RAD51B: variants seen among roughly 807,000 people sequenced by gnomAD.
The protein encoded by RAD51B is DNA repair protein RAD51 homolog 2.
RAD51B carries 38 observed loss-of-function variants against 42.2 expected under a neutral mutation model. The observed-to-expected ratio is 0.90, with a 90% CI of 0.70 to 1.18. The LOEUF (loss-of-function observed/expected upper bound fraction) is 1.18, where lower values mean the gene tolerates loss of function less well. Ranked by LOEUF, RAD51B falls within the 50% of genes most tolerant of loss-of-function variation. The pLI is 0.00. For missense variants in RAD51B, 373 were observed against 400.7 expected (o/e 0.93, Z 0.59); for synonymous variants, 154 against 145.2 (o/e 1.06, Z -0.43).
chr14:68,081,420 G>A (rs1047926897), intron 7 of RAD51B, among the ~76,000 whole-genome samples: 1 of 152,146 alleles, frequency 6.6e-6, no homozygotes, highest in Non-Finnish European at 1.5e-5. Context: ...CGGTTCACTC[G>A]ATCACATTAT....
intron 7 of RAD51B, among the ~76,000 whole-genome samples, chr14:67,894,981 C>G (rs1430446003): frequency 6.6e-6 from 1 of 151,976 alleles, no homozygotes; most frequent in African/African-American, 2.4e-5. Context: ...TGCTATGTTG[C>G]CCAGGCTGGT....
At chr14:68,619,271 G>A (rs557664518) in intron 10 of RAD51B, among the ~76,000 whole-genome samples, 2 of 152,136 alleles carry the variant, frequency 1.3e-5, no homozygotes, top group East Asian at 1.9e-4. Flanking sequence ...TCCAGAGATC[G>A]AGACCATCCT....
intron 10 of RAD51B, among the ~76,000 whole-genome samples, chr14:68,631,648 C>T (rs1428080236): frequency 6.6e-6 from 1 of 152,162 alleles, no homozygotes; most frequent in Admixed American, 6.5e-5. Flanking sequence ...CCTCTTTGGG[C>T]ACTCGTCCCT....
At chr14:67,904,496 A>G (rs935311082) in intron 7 of RAD51B, among the ~76,000 whole-genome samples, 4 of 146,930 alleles carry the variant, frequency 2.7e-5, no homozygotes, top group African/African-American at 1.0e-4. Flanking sequence ...TTCTCTAATG[A>G]TTAGGAATGT....
At chr14:68,380,179 G>A (rs756125182) in intron 8 of RAD51B, among the ~76,000 whole-genome samples, 2 of 152,196 alleles carry the variant, frequency 1.3e-5, no homozygotes, top group Admixed American at 6.5e-5. Flanking sequence ...AGTAGCTTCT[G>A]GGAACCACGT....
chr14:68,389,173 G>T (rs897960409), intron 8 of RAD51B, among the ~76,000 whole-genome samples: 20 of 152,082 alleles, frequency 1.3e-4, no homozygotes, highest in African/African-American at 4.8e-4. Flanking sequence ...GTAGTGTATA[G>T]CTCCATGAAC....
rs1370753671 is a variant in RAD51B, at chr14:68,257,668, G to A, written c.757-34216G>A. Among the ~76,000 whole-genome samples the A allele has an allele frequency of 3.9e-5, 6 of 152,216 alleles. No homozygotes were observed. In the South Asian group the frequency reaches 6.2e-4, roughly 16 times the overall value. On this transcript the variant is annotated intron_variant, in intron 7 of 10. Transcript: ENST00000471583. ...TGAAAAGAGTTTTTGCTAAGATTGC[G>A]GGATTGAGAAATTCTTTAATTGAAA...
chr14:68,323,372 A>G (rs2082191331), intron 8 of RAD51B, among the ~76,000 whole-genome samples: 1 of 152,172 alleles, frequency 6.6e-6, no homozygotes, highest in Non-Finnish European at 1.5e-5. Flanking sequence ...CTTATTATGT[A>G]CTGGATACTG....
Position 68,565,790 on chromosome 14 carries a change from C to T in RAD51B, c.1037-28695C>T, listed in dbSNP as rs1889390113. 6.6e-6 allele frequency among the ~76,000 whole-genome samples: 1 copy of T among 152,158 alleles called. No homozygotes were observed. Among genetic ancestry groups the T allele is most frequent in the African/African-American group, 2.4e-5 (1 of 41,430 alleles). ...TTCATGTCAATATTATCTTATAAAA[C>T]ACTGCTGAAAAGGTGCATGTTGGAG... On this transcript the variant is annotated intron_variant, in intron 10 of 10. Transcript: ENST00000487270. This position sits in a 1 kb window ranked among gnomAD's most constrained non-coding sequence, Gnocchi z 4.1.
intron 7 of RAD51B, among the ~76,000 whole-genome samples, chr14:68,093,867 G>A (rs1397565852): frequency 6.6e-6 from 1 of 152,090 alleles, no homozygotes; most frequent in Non-Finnish European, 1.5e-5. Flanking sequence ...ATGTACTGAG[G>A]GGTAGGATTG....
At chr14:68,292,093 C>A in intron 8 of RAD51B, 113 bp downstream of exon 8, 1 of 936,710 alleles carries the variant, frequency 1.1e-6, no homozygotes, top group Non-Finnish European at 1.7e-6. Context: ...GGCCAGTGAA[C>A]CCAGCCGGAG....
At chr14:68,573,560 A>G (rs1261937438) in intron 10 of RAD51B, among the ~76,000 whole-genome samples, 1 of 152,130 alleles carries the variant, frequency 6.6e-6, no homozygotes, top group Admixed American at 6.5e-5. Context: ...TTTTCTCCAT[A>G]TATTTGTCAC....
intron 9 of RAD51B, among the ~76,000 whole-genome samples, chr14:68,429,494 T>C (rs2084944179): frequency 1.3e-5 from 2 of 152,266 alleles, no homozygotes; most frequent in Non-Finnish European, 2.9e-5. Context: ...TTTGCATTTC[T>C]CTGATGGCCA....
chr14:68,094,244 G>A (rs903422517), intron 7 of RAD51B, among the ~76,000 whole-genome samples: 5 of 151,942 alleles, frequency 3.3e-5, no homozygotes, highest in African/African-American at 1.2e-4. Context: ...TAGGGCCCAG[G>A]GCCACAGAGT....
chr14:68,120,814 T>A (rs888078828), intron 7 of RAD51B, among the ~76,000 whole-genome samples: 4 of 152,166 alleles, frequency 2.6e-5, no homozygotes, highest in Non-Finnish European at 5.9e-5. Flanking sequence ...TCATTAAGGA[T>A]TGGCAACTGC....
intron 8 of RAD51B, among the ~76,000 whole-genome samples, chr14:68,399,172 G>C (rs563471454): frequency 4.6e-5 from 7 of 151,896 alleles, no homozygotes; most frequent in Admixed American, 6.6e-5. Flanking sequence ...AATTTTTTTG[G>C]GGGGGAAGGA....
intron 7 of RAD51B, among the ~76,000 whole-genome samples, chr14:68,094,340 CGTTTGAG>C (rs774640144): frequency 3.2e-4 from 48 of 152,268 alleles, no homozygotes; most frequent in Non-Finnish European, 6.6e-4. Flanking sequence ...ATATCAGCAT[CGTTTGAG>C]GTAGCACATT....
intron 9 of RAD51B, among the ~76,000 whole-genome samples, chr14:68,436,175 C>G (rs925671920): frequency 1.3e-5 from 2 of 152,136 alleles, no homozygotes; most frequent in African/African-American, 2.4e-5. Context: ...AGCATTTAAT[C>G]CACCTTGAGT....
At chr14:68,004,386 T>C (rs2075545204) in intron 7 of RAD51B, among the ~76,000 whole-genome samples, 1 of 151,790 alleles carries the variant, frequency 6.6e-6, no homozygotes, top group Non-Finnish European at 1.5e-5. Flanking sequence ...TTGTTACTAT[T>C]TTGTTTAAGA....
Sources: allele counts gnomAD v4.1 joint callset (sites outside exome capture counted in the v4.1 genomes callset), GRCh38; gene constraint gnomAD v4.1.1; non-coding constraint Gnocchi (gnomAD v3.1); transcripts MANE v1.5; gene names NCBI Gene and HGNC (gene_info 2026-07-23, HGNC 2026-07-21).